The following SLC1A6 variants were observed in gnomAD, a reference collection of about 807,000 sequenced individuals.
SLC1A6 encodes excitatory amino acid transporter 4.
In SLC1A6, 15 loss-of-function variants were observed where a neutral mutation model predicts 42.1. That is an observed-to-expected ratio of 0.36 (90% CI 0.24 to 0.55). The LOEUF is 0.55. Ranked by LOEUF, SLC1A6 falls within the 20% of genes least tolerant of loss-of-function variation. The pLI is 0.88. For synonymous variants in SLC1A6, 317 were observed against 319.7 expected (o/e 0.99, Z 0.09); for missense variants, 542 against 772.5 (o/e 0.70, Z 3.54).
At chr19:15,006,208 T>A (rs1461060405) in intron 1 of SLC1A6, among the ~76,000 whole-genome samples, 1 of 152,200 alleles carries the variant, frequency 6.6e-6, no homozygotes, top group African/African-American at 2.4e-5. Flanking sequence ...CATGCCACAA[T>A]CCTATTACCT....
At chr19:15,000,000 C>A (rs1336662556) in intron 1 of SLC1A6, among the ~76,000 whole-genome samples, 1 of 150,008 alleles carries the variant, frequency 6.7e-6, no homozygotes, top group East Asian at 2.0e-4. Context: ...TCCCCCTCCC[C>A]CCCACCCCAC....
At chr19:14,960,081 G>T (rs1172973798) in intron 6 of SLC1A6, among the ~76,000 whole-genome samples, 1 of 151,922 alleles carries the variant, frequency 6.6e-6, no homozygotes, top group African/African-American at 2.4e-5. Flanking sequence ...AGTGAATAAA[G>T]ATATTTCTGA....
intron 1 of SLC1A6, chr19:14,973,943 T>C (rs757466): frequency 0.72 from 109,715 of 152,266 alleles, 39,824 homozygotes; most frequent in African/African-American, 0.81. Context: ...TTGGCCACAG[T>C]GTGATGTTCA....
upstream of SLC1A6, among the ~76,000 whole-genome samples, chr19:14,981,837 G>T (rs899195606): frequency 2.6e-5 from 4 of 152,094 alleles, no homozygotes; most frequent in African/African-American, 4.8e-5. Context: ...ATCTACCTGC[G>T]CAGTCCTCTT....
upstream of SLC1A6, among the ~76,000 whole-genome samples, chr19:14,982,312 T>C (rs868247774): frequency 5.9e-4 from 90 of 152,088 alleles, no homozygotes; most frequent in African/African-American, 2.0e-3. Flanking sequence ...GGCAAATCAC[T>C]AGAGGTCAGG....
At chr19:14,955,619 A>G (rs2045454986) in intron 7 of SLC1A6, among the ~76,000 whole-genome samples, 1 of 148,096 alleles carries the variant, frequency 6.8e-6, no homozygotes, top group Admixed American at 6.7e-5. Flanking sequence ...GCCTCATGTC[A>G]AACGAAAAAG....
At chr19:14,971,994 G>A in intron 2 of SLC1A6, 120 bp from the exon 3 acceptor site, 2 of 914,110 alleles carry the variant, frequency 2.2e-6, no homozygotes, top group East Asian at 5.0e-5. Flanking sequence ...TATCCTATGA[G>A]TGTGTGTATT....
At chr19:15,007,086 A>G (rs368792572) in intron 1 of SLC1A6, among the ~76,000 whole-genome samples, 5 of 152,354 alleles carry the variant, frequency 3.3e-5, no homozygotes, top group East Asian at 1.9e-4. Flanking sequence ...ACAATGGTAA[A>G]TAGGAGAGGC....
chr19:14,951,078 C>CA (rs59828742), intron 9 of SLC1A6, among the ~76,000 whole-genome samples: 18,697 of 79,802 alleles, frequency 0.23, 2,106 homozygotes, highest in South Asian at 0.26. Flanking sequence ...ACTAAAAATA[C>CA]AAAAAAAAAA....
intron 1 of SLC1A6, among the ~76,000 whole-genome samples, chr19:15,003,165 A>T (rs11085932): frequency 1.3e-5 from 2 of 151,804 alleles, no homozygotes; most frequent in Non-Finnish European, 2.9e-5. Flanking sequence ...TTTTGTACAG[A>T]TGGGGTTTCA....
At chr19:14,967,300 T>C (rs934507089) in intron 4 of SLC1A6, among the ~76,000 whole-genome samples, 1 of 152,020 alleles carries the variant, frequency 6.6e-6, no homozygotes, top group Non-Finnish European at 1.5e-5. Context: ...TCAGTATGAG[T>C]TGTTGCAAGT....
chr19:14,997,033 C>G (rs1412569923), intron 1 of SLC1A6, among the ~76,000 whole-genome samples: 1 of 152,154 alleles, frequency 6.6e-6, no homozygotes. Flanking sequence ...TTAGGGCAAA[C>G]ATGCCTCCGA....
intron 8 of SLC1A6, 84 bp downstream of exon 8, chr19:14,954,051 C>A: frequency 9.6e-7 from 1 of 1,036,810 alleles, no homozygotes; most frequent in Non-Finnish European, 1.4e-6. Context: ...AGCTGAGGCC[C>A]CCTCCTCCCT....
chr19:14,956,779 C>T (rs550331560), intron 6 of SLC1A6, 70 bp from the exon 7 acceptor site: 5 of 1,073,254 alleles, frequency 4.7e-6, no homozygotes, highest in African/African-American at 1.6e-5. Context: ...AGGTGGCATC[C>T]CCAAGGCTTT....
chr19:14,986,563 G>A (rs1020131845), intron 1 of SLC1A6, among the ~76,000 whole-genome samples: 19 of 147,768 alleles, frequency 1.3e-4, no homozygotes, highest in Non-Finnish European at 2.5e-4. Context: ...TAATTGTATT[G>A]CTTTATCAAG....
rs141513404 is a variant in SLC1A6, at chr19:14,962,325, C to T, written c.612G>A (p.Thr204=). 1.1e-5 allele frequency: 17 copies of T among 1,613,838 alleles called. No homozygotes were observed. The highest frequency in any genetic ancestry group is 5.0e-5 in the Admixed American group (3 of 59,990). ...TCACCATGGTCCTGGTTACCACCCTCGTGCTGTACTGCGTCTTGAACTGAA... is the reference window on the plus strand; with the variant it reads ...TCACCATGGTCCTGGTTACCACCCTTGTGCTGTACTGCGTCTTGAACTGAA... ...CFKQFKTQYS[T]RVVTRTMVRT... Residue 204 remains threonine, a synonymous_variant, in exon 6 of 10, where the codon ACG becomes ACA. Coordinates refer to ENST00000594383, the MANE Select transcript of SLC1A6 (RefSeq NM_005071.3).
intron 1 of SLC1A6, chr19:14,975,392 G>A (rs915308875): frequency 3.4e-5 from 5 of 147,832 alleles, no homozygotes; most frequent in South Asian, 4.4e-4. Context: ...TGCATGTATC[G>A]AAATGTCACT....
intron 1 of SLC1A6, among the ~76,000 whole-genome samples, chr19:14,995,408 G>A (rs60698649): frequency 6.7e-6 from 1 of 150,262 alleles, no homozygotes; most frequent in Non-Finnish European, 1.5e-5. Flanking sequence ...AAAGAAAGTA[G>A]AACAGTGGTT....
intron 5 of SLC1A6, among the ~76,000 whole-genome samples, chr19:14,963,022 A>G (rs2045532936): frequency 6.6e-6 from 1 of 152,244 alleles, no homozygotes; most frequent in South Asian, 2.1e-4. Flanking sequence ...TTGCAGTACT[A>G]TTCACAATAG....
Sources: gnomAD v4.1 joint callset for allele counts (sites outside exome capture counted in the v4.1 genomes callset) on GRCh38, gnomAD v4.1.1 for gene constraint, MANE v1.5 for transcripts, NCBI Gene and HGNC (gene_info 2026-07-23, HGNC 2026-07-21) for gene names.